Variants in TUBB1 observed in about 807,000 individuals in gnomAD.
TUBB1 encodes tubulin beta-1 chain.
In TUBB1, 28 loss-of-function variants were observed where a neutral mutation model predicts 22.6. The ratio of observed to expected loss-of-function variants is 1.24; its 90% CI spans 0.92 to 1.70. The LOEUF (loss-of-function observed/expected upper bound fraction) is 1.70. Among genes scored for constraint, TUBB1 ranks in the 40% most tolerant of loss-of-function variants. The pLI is 0.00. For synonymous variants in TUBB1, 226 were observed against 238.0 expected, an observed-to-expected ratio of 0.95 and a Z score of 0.46; for missense variants, 577 against 605.5, an observed-to-expected ratio of 0.95 and a Z score of 0.49.
In TUBB1 at chr20:59,024,754, G is replaced by C; in HGVS notation, c.1327G>C (p.Glu443Gln). 4 of 1,614,192 alleles carry C rather than the reference G, an allele frequency of 2.5e-6. No homozygotes were observed. Among genetic ancestry groups the C allele is most frequent in the South Asian group, 1.1e-5 (1 of 91,072 alleles). ...EEDEEVTEEA[E>Q]MEPEDKGH ...AGATGAAGAGGTCACGGAGGAGGCA[G>C]AAATGGAGCCAGAAGATAAGGGACA... is the stretch of plus-strand genomic sequence containing the variant. The change falls in exon 4 of 4, where the codon GAA (glutamate) becomes CAA (glutamine). Residue 443 changes from glutamate (E) to glutamine (Q), a missense_variant. Transcript: ENST00000217133. This position sits in a 1 kb window ranked among gnomAD's most constrained non-coding sequence, Gnocchi z 4.9.
upstream of TUBB1, among the ~76,000 whole-genome samples, chr20:59,017,730 T>C (rs2091950567): frequency 6.6e-6 from 1 of 152,210 alleles, no homozygotes; most frequent in African/African-American, 2.4e-5. Context: ...CTTCTCGCTC[T>C]GAGTTCAGTA....
At position 59,023,975 on chromosome 20, in the gene TUBB1, A is replaced by G; in HGVS notation, c.548A>G (p.Tyr183Cys). ...PKVSDTVVEP[Y>C]NAVLSIHQLI... The stretch of plus-strand genomic sequence containing the variant: ...GTGTCGGACACTGTGGTGGAGCCCT[A>G]CAACGCGGTTCTGTCTATCCACCAG... The change falls in exon 4 of 4, where the codon TAC becomes TGC. Residue 183 changes from tyrosine to cysteine, a missense_variant. Tyr to Cys is a radical substitution (Grantham distance 194). Coordinates refer to ENST00000217133, the MANE Select transcript of TUBB1 (RefSeq NM_030773.4). The G allele has an allele frequency of 1.2e-6, 2 of 1,614,060 alleles. No homozygotes were observed. The highest frequency in any genetic ancestry group is 1.7e-6 in the Non-Finnish European group (2 of 1,179,998).
At chr20:59,023,624 C>T (rs763795563) in intron 3 of TUBB1, 24 bp downstream of exon 3, 3 of 1,613,778 alleles carry the variant, frequency 1.9e-6, no homozygotes, top group Non-Finnish European at 2.5e-6. Context: ...GAAGGTTCCA[C>T]CAGGAGGAGG....
upstream of TUBB1, chr20:59,019,323 AG>A: frequency 1.6e-6 from 1 of 632,108 alleles, no homozygotes; most frequent in Non-Finnish European, 2.8e-6. Flanking sequence ...AAAGCAGAGA[AG>A]GGCCAGGACT....
intron 2 of TUBB1, 29 bp from the exon 3 acceptor site, chr20:59,023,461 G>A: frequency 6.3e-7 from 1 of 1,595,176 alleles, no homozygotes; most frequent in South Asian, 1.1e-5. Context: ...AAAACAAGTA[G>A]GCTGACTTTT....
At chr20:59,016,988 T>C (rs2091947903), upstream of TUBB1, among the ~76,000 whole-genome samples, 2 of 152,144 alleles carry the variant, frequency 1.3e-5, no homozygotes, top group Admixed American at 1.3e-4. Context: ...TGTGCTAACT[T>C]TGAAAAGAAC....
At chr20:59,016,467 C>T (rs2091946087), upstream of TUBB1, among the ~76,000 whole-genome samples, 1 of 152,168 alleles carries the variant, frequency 6.6e-6, no homozygotes, top group African/African-American at 2.4e-5. Context: ...GCTCTGGTCC[C>T]CAGGAGAGGA....
rs2146377232 is a variant in TUBB1 at position 59,024,187 on chromosome 20, G to A, written c.760G>A (p.Ala254Thr). 1 of 1,614,176 alleles carries A rather than the reference G, an allele frequency of 6.2e-7. No individual in the cohort carries two copies. The highest frequency in any genetic ancestry group is 1.3e-5 in the African/African-American group (1 of 75,050). Reference protein sequence around the residue: ...GQLNADLRKLAVNMVPFPRLH... With the variant: ...GQLNADLRKLTVNMVPFPRLH... The stretch of plus-strand genomic sequence containing the variant: ...GCTCAACGCAGACCTGCGCAAGCTG[G>A]CGGTGAACATGGTCCCCTTCCCCCG... The change falls in exon 4 of 4, where the codon GCG becomes ACG. Residue 254 changes from alanine (A) to threonine (T), a missense_variant. Physicochemically the swap from Ala to Thr is moderately conservative, Grantham distance 58. Coordinates refer to ENST00000217133, the MANE Select transcript of TUBB1 (RefSeq NM_030773.4). The surrounding 1 kb of genome is among the most constrained non-coding windows in gnomAD (Gnocchi z 4.9).
intron 1 of TUBB1, among the ~76,000 whole-genome samples, chr20:59,021,895 T>C (rs1458420250): frequency 6.6e-6 from 1 of 152,080 alleles, no homozygotes; most frequent in Non-Finnish European, 1.5e-5. Context: ...CTTGAGAGGC[T>C]GAGGCAGGAG....
upstream of TUBB1, chr20:59,019,391 G>T: frequency 2.0e-6 from 2 of 1,018,508 alleles, no homozygotes; most frequent in South Asian, 1.3e-5. Flanking sequence ...CACATTGTGA[G>T]GGTAGCTTGG....
Position 59,023,892 on chromosome 20 carries a change from T to G in TUBB1, c.465T>G (p.Ile155Met), listed in dbSNP as rs762537376. 1 of 1,614,052 alleles carries G rather than the reference T, an allele frequency of 6.2e-7. No homozygotes were observed. The highest frequency in any genetic ancestry group is 1.7e-5 in the Admixed American group (1 of 60,014). Reference protein sequence around the residue: ...SGMGTLLMNKIREEYPDRIMN... With the variant: ...SGMGTLLMNKMREEYPDRIMN... ...TGGGCACTCTGCTCATGAACAAGAT[T>G]AGAGAGGAGTACCCGGACCGGATCA... Residue 155 changes from isoleucine (I) to methionine (M), a missense_variant, in exon 4 of 4, where the codon ATT becomes ATG. Transcript: ENST00000217133.
chr20:59,017,687 G>A (rs1312740413), upstream of TUBB1, among the ~76,000 whole-genome samples: 3 of 152,176 alleles, frequency 2.0e-5, no homozygotes, highest in Non-Finnish European at 4.4e-5. Context: ...TCACGGGTCT[G>A]GCGAGAGGCA....
At chr20:59,017,727 C>G (rs1568687642), upstream of TUBB1, among the ~76,000 whole-genome samples, 1 of 152,212 alleles carries the variant, frequency 6.6e-6, no homozygotes. Flanking sequence ...GGGCTTCTCG[C>G]TCTGAGTTCA....
Position 59,024,353 on chromosome 20 carries a change from G to C in TUBB1, c.926G>C (p.Arg309Pro). The stretch of plus-strand genomic sequence containing the variant: ...GCTGCCTGTGACCTCCGCCGTGGCC[G>C]CTACCTCACAGTGGCCTGCATTTTC... ...TMAACDLRRG[R>P]YLTVACIFRG... Residue 309 changes from arginine to proline, a missense_variant, in exon 4 of 4, where the codon CGC becomes CCC. Arg to Pro is a moderately radical substitution (Grantham distance 103). Coordinates refer to ENST00000217133, the MANE Select transcript of TUBB1 (RefSeq NM_030773.4). This position sits in a 1 kb window ranked among gnomAD's most constrained non-coding sequence, Gnocchi z 4.9. 1 of 1,614,086 alleles carries C rather than the reference G, an allele frequency of 6.2e-7. No individual in the cohort carries two copies.
chr20:59,022,930 G>A lies in TUBB1; in HGVS notation c.143G>A (p.Ser48Asn), dbSNP rs1395827500. Reference sequence around the variant, plus strand: ...TCGGCCTTGCAGCTGGAGAGAATCAGCGTGTACTACAACGAAGCCTACGGT... The same window carrying A: ...TCGGCCTTGCAGCTGGAGAGAATCAACGTGTACTACAACGAAGCCTACGGT... ...GASALQLERI[S>N]VYYNEAYGRK... is the part of the protein sequence containing the mutation. Residue 48 changes from serine to asparagine, a missense_variant, in exon 2 of 4, where the codon AGC (serine) becomes AAC (asparagine). Transcript: ENST00000217133. The A allele has an allele frequency of 6.2e-7, 1 of 1,614,092 alleles. No homozygotes were observed. Among genetic ancestry groups the A allele is most frequent in the East Asian group, 2.2e-5 (1 of 44,882 alleles).
At chr20:59,017,366 G>A (rs1411130269), upstream of TUBB1, among the ~76,000 whole-genome samples, 1 of 152,226 alleles carries the variant, frequency 6.6e-6, no homozygotes, top group Non-Finnish European at 1.5e-5. Flanking sequence ...ACTAGACAGA[G>A]GTGAGAAGCA....
rs1014946374 is a variant in TUBB1 at position 59,023,368 on chromosome 20, C to G, written c.167-122C>G. 1.7e-5 allele frequency: 15 copies of G among 869,062 alleles called. No homozygotes were observed. The African/African-American group carries it at 2.5e-4, about 14-fold the overall frequency. The allele number at this position is 869,062 out of a possible 1,614,324, so 53.8% of individuals were successfully genotyped here. ...GTTAGATACTCAAATCTCGACCTACCAAGGGCCCCTTTCTAGAATATCCAT... is the reference window on the plus strand; with the variant it reads ...GTTAGATACTCAAATCTCGACCTACGAAGGGCCCCTTTCTAGAATATCCAT... On this transcript the variant is annotated intron_variant, in intron 2 of 3. Coordinates refer to ENST00000217133, the MANE Select transcript of TUBB1 (RefSeq NM_030773.4).
rs769733428 is a variant in TUBB1, at chr20:59,024,520, G to A, written c.1093G>A (p.Ala365Thr). The A allele has an allele frequency of 4.3e-6, 7 of 1,614,072 alleles. No individual in the cohort carries two copies. The highest frequency in any genetic ancestry group is 4.5e-5 in the East Asian group (2 of 44,898). The change falls in exon 4 of 4, where the codon GCC becomes ACC. Residue 365 changes from alanine (A) to threonine (T), a missense_variant. By Grantham distance (58) the Ala-to-Thr change is moderately conservative (BLOSUM62 0). Transcript: ENST00000217133. The surrounding 1 kb of genome is among the most constrained non-coding windows in gnomAD (Gnocchi z 4.9). ...CCCGCCCCGGGGGCTGAGCATGGCC[G>A]CCACCTTCATTGGCAACAACACGGC... is the stretch of plus-strand genomic sequence containing the variant. ...DIPPRGLSMA[A>T]TFIGNNTAIQ...
rs1201836435 is a variant in TUBB1, at chr20:59,026,271, T to G, written c.*1488T>G. The G allele has an allele frequency of 6.6e-6, 1 of 152,228 alleles. No homozygotes were observed. The highest frequency in any genetic ancestry group is 1.5e-5 in the Non-Finnish European group (1 of 68,034). The allele number at this position is 152,228 out of a possible 1,614,324, so 9.4% of individuals were successfully genotyped here. A position where few individuals can be genotyped will look rare whatever the true frequency, so the allele number is the denominator to read the frequency against. On this transcript the variant is annotated 3_prime_UTR_variant, in exon 4 of 4. Coordinates refer to ENST00000217133, the MANE Select transcript of TUBB1 (RefSeq NM_030773.4). ...ATCGGATCATCAACAAGTCTTCTATTTACAAACTTCAAAAAACACAAAACA... is the reference window on the plus strand; with the variant it reads ...ATCGGATCATCAACAAGTCTTCTATGTACAAACTTCAAAAAACACAAAACA...
Sources: gnomAD v4.1 joint callset for allele counts (sites outside exome capture counted in the v4.1 genomes callset) on GRCh38, gnomAD v4.1.1 for gene constraint, Gnocchi (gnomAD v3.1) non-coding constraint, MANE v1.5 for transcripts, NCBI Gene and HGNC (gene_info 2026-07-23, HGNC 2026-07-21) for gene names.